The following LRRC43 variants were observed in gnomAD, a reference collection of about 807,000 sequenced individuals.
LRRC43 encodes the protein leucine rich repeat containing 43.
Under a neutral mutation model 64.3 loss-of-function variants are expected in LRRC43, and 62 were observed. That is an observed-to-expected ratio of 0.96 (90% confidence interval 0.79 to 1.19). LRRC43 has a LOEUF of 1.19. LRRC43 is among the 50% of genes most tolerant of loss of function. The pLI, the probability that LRRC43 is intolerant of heterozygous loss-of-function variation, is 0.00. For missense variants in LRRC43, 868 were observed against 845.0 expected (o/e 1.03, Z -0.34); for synonymous variants, 422 against 382.3 (o/e 1.10, Z -1.21).
chr12:122,183,123 G>A lies in LRRC43; in HGVS notation c.-22G>A. Reference sequence around the variant, plus strand: ...CCCCCGCGCACGCGTCCTAGCGGTTGCCGGGCAACGCGGCCCGGGCCATGG... The same window carrying A: ...CCCCCGCGCACGCGTCCTAGCGGTTACCGGGCAACGCGGCCCGGGCCATGG... On this transcript the variant is annotated 5_prime_UTR_variant, in exon 1 of 12. Coordinates refer to ENST00000339777, the MANE Select transcript of LRRC43 (RefSeq NM_001098519.2). 1 of 1,530,746 alleles carries A rather than the reference G, an allele frequency of 6.5e-7. No individual in the cohort carries two copies. Among genetic ancestry groups the A allele is most frequent in the Non-Finnish European group, 8.7e-7 (1 of 1,144,502 alleles). 94.8% of individuals were successfully genotyped at this position (1,530,746 alleles called of 1,614,324 possible).
chr12:122,192,667 T>C lies in LRRC43; in HGVS notation c.1090-78T>C. 7.9e-6 allele frequency: 12 copies of C among 1,524,618 alleles called. No homozygotes were observed. In the South Asian group the frequency reaches 1.2e-4, roughly 15 times the overall value. 94.4% of individuals were successfully genotyped at this position (1,524,618 alleles called of 1,614,324 possible). A position where few individuals can be genotyped will look rare whatever the true frequency, so the allele number is the denominator to read the frequency against. ...AACCTCATCCAGATGTCGGGAGCTG[T>C]GTTACAGACACCCCCGGCATCAGCT... On this transcript the variant is annotated intron_variant, in intron 6 of 11. Transcript: ENST00000339777.
At position 122,184,638 on chromosome 12, in the gene LRRC43, C is replaced by T. The variant is rs1953620437; in HGVS notation, c.270C>T (p.Ser90=). Residue 90 remains serine (S), a synonymous_variant, in exon 2 of 12, where the codon AGC becomes AGT. Transcript: ENST00000339777. The surrounding 1 kb of genome is among the most constrained non-coding windows in gnomAD (Gnocchi z 4.0). ...TVEALLGLVR[S]RHSPWALLNN... ...AGGCCCTGCTGGGCCTGGTCCGCAG[C>T]CGCCACTCCCCCTGGGCTCTGCTGA... The T allele has an allele frequency of 1.9e-6, 3 of 1,613,964 alleles. No homozygotes were observed. The African/African-American group carries it at 4.0e-5, about 22-fold the overall frequency.
intron 4 of LRRC43, 168 bp from the exon 5 acceptor site, chr12:122,189,962 G>A: frequency 2.9e-6 from 2 of 683,178 alleles, no homozygotes; most frequent in Admixed American, 2.1e-5. Context: ...GAAGAGCCAG[G>A]CACTCGTTCC....
rs1453997143 is a variant in LRRC43, at chr12:122,191,568, G to A, written c.1089+1G>A. On this transcript the variant is annotated splice_donor_variant, in intron 6 of 11. Transcript: ENST00000339777. LOFTEE classifies it high-confidence loss of function. ...TGAGTCCGCGGGCGTCCTGGCCGAGGTGTGCCCTGGTCTGTCCCTAGGAGT... is the reference window on the plus strand; with the variant it reads ...TGAGTCCGCGGGCGTCCTGGCCGAGATGTGCCCTGGTCTGTCCCTAGGAGT... 6.2e-7 allele frequency: 1 copy of A among 1,613,434 alleles called. No individual in the cohort carries two copies. Among genetic ancestry groups the A allele is most frequent in the Non-Finnish European group, 8.5e-7 (1 of 1,179,576 alleles).
chr12:122,193,786 C>T (rs1017289764), intron 7 of LRRC43, among the ~76,000 whole-genome samples: 4 of 152,214 alleles, frequency 2.6e-5, no homozygotes, highest in Non-Finnish European at 4.4e-5. Flanking sequence ...TCTTGAGCTC[C>T]TGGTCTCAAG....
At chr12:122,198,991 T>C (rs116079859) in intron 7 of LRRC43, among the ~76,000 whole-genome samples, 5,895 of 150,348 alleles carry the variant, frequency 0.039, 169 homozygotes, top group South Asian at 0.087. Flanking sequence ...GATTTTTTTT[T>C]TTTTTTTGAG....
chr12:122,169,047 G>A (rs1953462707), intron 1 of LRRC43, among the ~76,000 whole-genome samples: 1 of 152,148 alleles, frequency 6.6e-6, no homozygotes. Context: ...CATGTGAGGG[G>A]TGCGTGATAC....
chr12:122,170,983 G>A (rs1198759331), intron 1 of LRRC43, among the ~76,000 whole-genome samples: 1 of 152,206 alleles, frequency 6.6e-6, no homozygotes, highest in Non-Finnish European at 1.5e-5. Flanking sequence ...GGCTGCTGCT[G>A]CTGCTGCTGG....
At chr12:122,189,619 C>T (rs970523026) in intron 4 of LRRC43, 17 of 384,434 alleles carry the variant, frequency 4.4e-5, no homozygotes, top group South Asian at 7.6e-5. Flanking sequence ...TGGGGTCCCG[C>T]CCCAGTCTGG....
intron 3 of LRRC43, 88 bp downstream of exon 3, chr12:122,186,388 T>C (rs1323928170): frequency 2.4e-6 from 2 of 821,248 alleles, no homozygotes; most frequent in African/African-American, 3.4e-5. Flanking sequence ...GTGGCCAGCA[T>C]GGGTGGAGGG....
chr12:122,192,823 A>G lies in LRRC43; in HGVS notation c.1168A>G (p.Ile390Val). 6.2e-7 allele frequency: 1 copy of G among 1,610,516 alleles called. No individual in the cohort carries two copies. Among genetic ancestry groups the G allele is most frequent in the South Asian group, 1.1e-5 (1 of 91,070 alleles). Reference protein sequence around the residue: ...EEVVEDVIEDIVEEVTEEVEG... With the variant: ...EEVVEDVIEDVVEEVTEEVEG... Reference sequence around the variant, plus strand: ...GGTCGTGGAAGACGTCATCGAAGACATTGTTGAAGAGGTTACTGAAGAGGT... The same window carrying G: ...GGTCGTGGAAGACGTCATCGAAGACGTTGTTGAAGAGGTTACTGAAGAGGT... Residue 390 changes from isoleucine (I) to valine (V), a missense_variant, in exon 7 of 12, where the codon ATT (isoleucine) becomes GTT (valine). By Grantham distance (29) the Ile-to-Val change is conservative (BLOSUM62 3). Coordinates refer to ENST00000339777, the MANE Select transcript of LRRC43 (RefSeq NM_001098519.2).
At chr12:122,173,871 C>T in intron 1 of LRRC43, 1 of 1,614,062 alleles carries the variant, frequency 6.2e-7, no homozygotes, top group South Asian at 1.1e-5. Context: ...TCGAGAGGGA[C>T]TGTAATTCCT....
Position 122,191,525 on chromosome 12 carries a change from T to A in LRRC43, c.1047T>A (p.Asp349Glu). The A allele has an allele frequency of 3.1e-6, 5 of 1,614,116 alleles. No individual in the cohort carries two copies. The highest frequency in any genetic ancestry group is 4.2e-6 in the Non-Finnish European group (5 of 1,180,024). Residue 349 changes from aspartate to glutamate, a missense_variant, in exon 6 of 12, where the codon GAT (aspartate) becomes GAA (glutamate). Physicochemically the swap from Asp to Glu is conservative, Grantham distance 45. Transcript: ENST00000339777. ...ACGTGACCTATGATTTTGTGAAAGATGAAGAAGGCGAAATGAATGAGTCCG... is the reference window on the plus strand; with the variant it reads ...ACGTGACCTATGATTTTGTGAAAGAAGAAGAAGGCGAAATGAATGAGTCCG... ...NYYVTYDFVKDEEGEMNESAG... is the reference protein window; with the variant it reads ...NYYVTYDFVKEEEGEMNESAG...
At chr12:122,174,384 G>A (rs1953518860) in intron 1 of LRRC43, among the ~76,000 whole-genome samples, 1 of 152,202 alleles carries the variant, frequency 6.6e-6, no homozygotes, top group South Asian at 2.1e-4. Flanking sequence ...AAATGCTGAG[G>A]TTACCCTCCA....
chr12:122,195,029 T>C (rs1481903099), intron 7 of LRRC43, among the ~76,000 whole-genome samples: 1 of 152,254 alleles, frequency 6.6e-6, no homozygotes, highest in Admixed American at 6.5e-5. Flanking sequence ...CCTCTGGTGT[T>C]ACTTCCTTTC....
At position 122,191,205 on chromosome 12, in the gene LRRC43, C is replaced by G. The variant is rs187216299; in HGVS notation, c.902-175C>G. On this transcript the variant is annotated intron_variant, in intron 5 of 11. Coordinates refer to ENST00000339777, the MANE Select transcript of LRRC43 (RefSeq NM_001098519.2). ...AGGCTGAAGAGGGGTATAATGACAC[C>G]TGGATCACTCCAGGCCAGCTTGCCA... Among the ~76,000 whole-genome samples, 81 of 152,264 alleles carry G rather than the reference C, an allele frequency of 5.3e-4. No homozygotes were observed. The Middle Eastern group carries it at 0.014, about 26-fold the overall frequency.
chr12:122,176,394 C>T lies in LRRC43; in HGVS notation c.-405-8125C>T, dbSNP rs574710531. 4.6e-5 allele frequency among the ~76,000 whole-genome samples: 7 copies of T among 152,302 alleles called. No individual in the cohort carries two copies. In the East Asian group the frequency reaches 1.4e-3, roughly 29 times the overall value. On this transcript the variant is annotated intron_variant, in intron 1 of 5. Coordinates refer to the LRRC43 transcript ENST00000537729. ...GTGGGGAGGTGGGCAGCGGCTCCAT[C>T]ACAGAGGCCTGAGGCTGGGACAAAG... is the stretch of plus-strand genomic sequence containing the variant.
intron 4 of LRRC43, among the ~76,000 whole-genome samples, chr12:122,188,197 G>C (rs7294741): frequency 0.51 from 77,260 of 151,874 alleles, 19,897 homozygotes; most frequent in East Asian, 0.72. Context: ...AGCTCCGCCT[G>C]CCGGGTTCAC....
chr12:122,191,300 G>A (rs780555518), intron 5 of LRRC43, 80 bp from the exon 6 acceptor site: 10 of 1,248,730 alleles, frequency 8.0e-6, no homozygotes, highest in Admixed American at 7.3e-5. Flanking sequence ...CTAGGGACCC[G>A]TGCCTTCCCA....
Sources: allele counts gnomAD v4.1 joint callset (sites outside exome capture counted in the v4.1 genomes callset), GRCh38; gene constraint gnomAD v4.1.1; non-coding constraint Gnocchi (gnomAD v3.1); transcripts MANE v1.5; gene names NCBI Gene and HGNC (gene_info 2026-07-23, HGNC 2026-07-21).